The following SMYD3 variants were observed in gnomAD, a reference collection of about 807,000 sequenced individuals.
The protein encoded by SMYD3 is SET and MYND domain containing 3.
Under a neutral mutation model 57.7 loss-of-function variants are expected in SMYD3, and 36 were observed. The ratio of observed to expected loss-of-function variants is 0.62; its 90% confidence interval spans 0.48 to 0.82. The LOEUF (loss-of-function observed/expected upper bound fraction) is 0.82. SMYD3 is among the 40% of genes least tolerant of loss of function. The probability of loss-of-function intolerance (pLI) is 0.00; values close to 1 mark genes in which losing one functional copy is unlikely to be tolerated. For missense variants in SMYD3, 515 were observed against 538.8 expected (o/e 0.96, Z 0.44); for synonymous variants, 211 against 195.0 (o/e 1.08, Z -0.68).
intron 5 of SMYD3, among the ~76,000 whole-genome samples, chr1:246,324,953 G>A (rs2065314179): frequency 7.0e-6 from 1 of 143,690 alleles, no homozygotes; most frequent in Non-Finnish European, 1.5e-5. Context: ...GTTAATTTAG[G>A]ATCTTTCATG....
chr1:246,274,012 C>T (rs188255023), intron 5 of SMYD3, among the ~76,000 whole-genome samples: 31 of 152,210 alleles, frequency 2.0e-4, no homozygotes, highest in Non-Finnish European at 4.1e-4. Context: ...AGGAAACTCA[C>T]TAATTTTGGT....
intron 2 of SMYD3, among the ~76,000 whole-genome samples, chr1:246,348,560 G>A (rs953007058): frequency 6.6e-6 from 1 of 152,094 alleles, no homozygotes; most frequent in Non-Finnish European, 1.5e-5. Context: ...GGGTACACAA[G>A]TGTATAAATA....
chr1:245,816,700 G>A (rs988861614), intron 10 of SMYD3, among the ~76,000 whole-genome samples: 21 of 152,178 alleles, frequency 1.4e-4, no homozygotes, highest in South Asian at 1.0e-3. Flanking sequence ...CGCACCGTGC[G>A]CGAGCCGAAG....
intron 5 of SMYD3, among the ~76,000 whole-genome samples, chr1:246,295,621 G>A (rs1005102254): frequency 1.2e-4 from 18 of 152,206 alleles, no homozygotes; most frequent in African/African-American, 4.3e-4. Flanking sequence ...TGTAGCCAAG[G>A]AATTTAATAA....
At position 245,937,496 on chromosome 1, in the gene SMYD3, G is replaced by A. The variant is rs576450282; in HGVS notation, c.532-7559C>T. 1.8e-3 allele frequency among the ~76,000 whole-genome samples: 273 copies of A among 152,308 alleles called. 2 individuals carry two copies. The highest frequency in any genetic ancestry group is 3.5e-3 in the Admixed American group (53 of 15,298). ...TTTCACCTCCTTAAAGCCATCTGAT[G>A]AAACAAGCACTTACCACAGATGTCT... On this transcript the variant is annotated intron_variant, in intron 5 of 11. Coordinates refer to ENST00000490107, the MANE Select transcript of SMYD3 (RefSeq NM_001167740.2).
intron 2 of SMYD3, among the ~76,000 whole-genome samples, chr1:246,345,886 G>A (rs1226591948): frequency 6.6e-6 from 1 of 152,058 alleles, no homozygotes; most frequent in Non-Finnish European, 1.5e-5. Context: ...TAAACCCCAG[G>A]ATCCCCTGAT....
rs56279385 is a variant in SMYD3, at chr1:246,390,214, CAAAAAAAAA to C, written c.165-35129_165-35121del. On this transcript the variant is annotated intron_variant, in intron 1 of 11. Coordinates refer to ENST00000490107, the MANE Select transcript of SMYD3 (RefSeq NM_001167740.2). ...GGGTGACAGAGCAAGATTCTGTCTCCAAAAAAAAAAAAAAAAAAAAAAAAAAAAGCAAAC... is the reference window on the plus strand; with the variant it reads ...GGGTGACAGAGCAAGATTCTGTCTCCAAAAAAAAAAAAAAAAAAAGCAAAC... Among the ~76,000 whole-genome samples, 34 of 67,038 alleles carry C rather than the reference CAAAAAAAAA, an allele frequency of 5.1e-4. No homozygotes were observed. In the East Asian group the frequency reaches 0.015, roughly 30 times the overall value. The allele number at this position is 67,038 out of a possible 152,430, so 44.0% of individuals were successfully genotyped here. A position where few individuals can be genotyped will look rare whatever the true frequency, so the allele number is the denominator to read the frequency against.
At chr1:246,191,567 C>G (rs747124737) in intron 5 of SMYD3, among the ~76,000 whole-genome samples, 9 of 152,106 alleles carry the variant, frequency 5.9e-5, no homozygotes, top group Non-Finnish European at 1.0e-4. Context: ...ACATGAATAG[C>G]TCTTAAAAGA....
intron 10 of SMYD3, among the ~76,000 whole-genome samples, chr1:245,826,377 G>C (rs899249292): frequency 1.3e-5 from 2 of 151,978 alleles, no homozygotes; most frequent in African/African-American, 4.8e-5. Flanking sequence ...CCTTGTTTTT[G>C]TTTTGTTTTG....
chr1:245,950,898 A>C (rs1170617752), intron 5 of SMYD3, among the ~76,000 whole-genome samples: 1 of 152,192 alleles, frequency 6.6e-6, no homozygotes, highest in African/African-American at 2.4e-5. Context: ...CAGAGTAAAA[A>C]CACTTACGCA....
Position 246,507,245 on chromosome 1 carries a change from G to A in SMYD3, c.-28C>T, listed in dbSNP as rs1292997993. On this transcript the variant is annotated 5_prime_UTR_variant, in exon 1 of 12. Transcript: ENST00000490107. ...TCCCGCAGCTCCGGCACCTCAGACG[G>A]CTACCCGCGTCCAGCAGCGGGCGTC... 3.4e-6 allele frequency: 5 copies of A among 1,476,050 alleles called. No individual in the cohort carries two copies. Among genetic ancestry groups the A allele is most frequent in the Middle Eastern group, 3.5e-4 (2 of 5,720 alleles). The allele number at this position is 1,476,050 out of a possible 1,614,324, so 91.4% of individuals were successfully genotyped here. A position where few individuals can be genotyped will look rare whatever the true frequency, so the allele number is the denominator to read the frequency against.
chr1:246,502,671 G>A (rs1251248051), intron 1 of SMYD3, among the ~76,000 whole-genome samples: 1 of 152,172 alleles, frequency 6.6e-6, no homozygotes, highest in African/African-American at 2.4e-5. Flanking sequence ...GGACATCCTA[G>A]AAGAAATAGT....
In SMYD3 at chr1:245,915,863, C is replaced by A. The variant is rs117416094; in HGVS notation, c.703-223G>T. 3.8e-3 allele frequency among the ~76,000 whole-genome samples: 585 copies of A among 152,138 alleles called. 6 individuals carry two copies. Among genetic ancestry groups the A allele is most frequent in the Admixed American group, 0.026 (391 of 15,288 alleles). ...TGCTATGTGGTAAATATATATGTAT[C>A]ATATATTTAAAGAACGGGTCTTATG... On this transcript the variant is annotated intron_variant, in intron 7 of 11. Transcript: ENST00000490107.
intron 9 of SMYD3, among the ~76,000 whole-genome samples, chr1:245,860,591 T>C (rs1380215808): frequency 6.6e-6 from 1 of 152,160 alleles, no homozygotes; most frequent in Non-Finnish European, 1.5e-5. Flanking sequence ...CCCACTACAA[T>C]GTTAGGATGA....
At chr1:246,040,775 G>A (rs1438793152) in intron 5 of SMYD3, among the ~76,000 whole-genome samples, 2 of 152,178 alleles carry the variant, frequency 1.3e-5, no homozygotes, top group African/African-American at 4.8e-5. Flanking sequence ...CTAGAATTTT[G>A]TGGTCTACAT....
chr1:246,420,918 T>C (rs2067134223), intron 1 of SMYD3, among the ~76,000 whole-genome samples: 1 of 152,230 alleles, frequency 6.6e-6, no homozygotes, highest in Non-Finnish European at 1.5e-5. Context: ...AGTATGACTA[T>C]TTTTATAAGA....
intron 10 of SMYD3, among the ~76,000 whole-genome samples, chr1:245,771,899 T>G (rs753071971): frequency 3.0e-4 from 45 of 152,064 alleles, no homozygotes; most frequent in Admixed American, 6.6e-5. Context: ...GGCCCCACAG[T>G]CATGAAACCA....
At chr1:246,347,597 C>T (rs2065744248) in intron 2 of SMYD3, among the ~76,000 whole-genome samples, 1 of 152,034 alleles carries the variant, frequency 6.6e-6, no homozygotes, top group Non-Finnish European at 1.5e-5. Flanking sequence ...CTTTAATTAC[C>T]ATTATATCAG....
At position 246,086,712 on chromosome 1, in the gene SMYD3, T is replaced by A. The variant is rs138508758; in HGVS notation, c.532-156775A>T. Among the ~76,000 whole-genome samples, 473 of 152,044 alleles carry A rather than the reference T, an allele frequency of 3.1e-3. 5 individuals are homozygous for A. The highest frequency in any genetic ancestry group is 0.011 in the African/African-American group (441 of 41,446). On this transcript the variant is annotated intron_variant, in intron 5 of 11. Transcript: ENST00000490107. ...TAAAATGCCAAATTTTCTTTTTTTT[T>A]AATTTTTTTAATTTTTATTTTTATT... is the stretch of plus-strand genomic sequence containing the variant.
Sources: gnomAD v4.1 joint callset for allele counts (sites outside exome capture counted in the v4.1 genomes callset) on GRCh38, gnomAD v4.1.1 for gene constraint, MANE v1.5 for transcripts, NCBI Gene and HGNC (gene_info 2026-07-23, HGNC 2026-07-21) for gene names.